Variants in SCLT1 observed in about 807,000 individuals in gnomAD.
SCLT1 encodes sodium channel and clathrin linker 1, also known as sodium channel-associated protein 1.
SCLT1 carries 78 observed loss-of-function variants against 112.8 expected under a neutral mutation model. The ratio of observed to expected loss-of-function variants is 0.69; its 90% CI spans 0.58 to 0.83. SCLT1 has a LOEUF of 0.83. Ranked by LOEUF, SCLT1 falls within the 40% of genes least tolerant of loss-of-function variation. The probability of loss-of-function intolerance (pLI) is 0.00; values close to 1 mark genes in which losing one functional copy is unlikely to be tolerated. For missense variants in SCLT1, 747 were observed against 770.4 expected (o/e 0.97, Z 0.36); for synonymous variants, 257 against 254.7 (o/e 1.01, Z -0.09).
At chr4:129,029,201 C>T (rs1379256117) in intron 5 of SCLT1, among the ~76,000 whole-genome samples, 1 of 152,100 alleles carries the variant, frequency 6.6e-6, no homozygotes, top group East Asian at 1.9e-4. Context: ...GATTATAAAT[C>T]ATGCTGGTAT....
intron 4 of SCLT1, among the ~76,000 whole-genome samples, chr4:128,875,500 G>C (rs1732491668): frequency 6.6e-6 from 1 of 152,146 alleles, no homozygotes; most frequent in South Asian, 2.1e-4. Context: ...TTGAAACAAC[G>C]TAGACTTCAG....
intron 2 of SCLT1, among the ~76,000 whole-genome samples, chr4:129,066,525 G>A (rs1021652952): frequency 6.6e-6 from 1 of 151,792 alleles, no homozygotes; most frequent in African/African-American, 2.4e-5. Flanking sequence ...TTAAGATAAC[G>A]CCAATTTTAG....
chr4:128,876,361 A>G (rs1284700274), intron 4 of SCLT1: 2 of 152,178 alleles, frequency 1.3e-5, no homozygotes, highest in Non-Finnish European at 2.9e-5. Context: ...AAGTTGAATA[A>G]CCACAATAGT....
intron 4 of SCLT1, among the ~76,000 whole-genome samples, chr4:129,040,574 G>A (rs1393111277): frequency 2.0e-5 from 3 of 152,128 alleles, no homozygotes; most frequent in Non-Finnish European, 2.9e-5. Context: ...ACTAAAGATG[G>A]ATTGTAACGC....
At chr4:128,949,582 A>G (rs1738518408) in intron 14 of SCLT1, among the ~76,000 whole-genome samples, 3 of 151,012 alleles carry the variant, frequency 2.0e-5, no homozygotes, top group Non-Finnish European at 4.4e-5. Flanking sequence ...TCCTGTGTCC[A>G]TGTGTTCTCA....
chr4:128,886,557 C>A (rs181074132), intron 20 of SCLT1, among the ~76,000 whole-genome samples: 3 of 152,226 alleles, frequency 2.0e-5, no homozygotes, highest in Admixed American at 2.0e-4. Context: ...AAAATATTAA[C>A]TCCAGGGAAG....
At chr4:129,036,671 A>T (rs1747207019) in intron 5 of SCLT1, 1 of 151,996 alleles carries the variant, frequency 6.6e-6, no homozygotes, top group African/African-American at 2.4e-5. Context: ...TGGAAATTAG[A>T]AGGAAAGAAA....
At chr4:128,882,163 T>C (rs1043411012), downstream of SCLT1, among the ~76,000 whole-genome samples, 18 of 152,202 alleles carry the variant, frequency 1.2e-4, no homozygotes, top group African/African-American at 4.3e-4. Context: ...CTCATACTTT[T>C]GTCAGACATA....
intron 18 of SCLT1, among the ~76,000 whole-genome samples, chr4:128,906,772 T>C (rs1401319903): frequency 1.7e-4 from 2 of 12,064 alleles, no homozygotes; most frequent in Admixed American, 9.8e-4. Context: ...TGCTACATAC[T>C]ACTGTGCTAG....
intron 5 of SCLT1, among the ~76,000 whole-genome samples, chr4:129,007,396 AT>A (rs1744122090): frequency 6.6e-6 from 1 of 151,994 alleles, no homozygotes; most frequent in Non-Finnish European, 1.5e-5. Flanking sequence ...GTGCTATCAC[AT>A]TTTTGTATTC....
intron 9 of SCLT1, among the ~76,000 whole-genome samples, chr4:128,984,258 A>G (rs1253072219): frequency 1.3e-5 from 2 of 152,132 alleles, no homozygotes; most frequent in African/African-American, 2.4e-5. Context: ...TACTCATCAT[A>G]CTTTTTTCCC....
At chr4:129,062,985 C>T (rs1750128203) in intron 2 of SCLT1, among the ~76,000 whole-genome samples, 1 of 152,048 alleles carries the variant, frequency 6.6e-6, no homozygotes, top group African/African-American at 2.4e-5. Flanking sequence ...CTTTTTTTCT[C>T]TCTCCTCCTT....
chr4:128,971,450 A>G (rs1740682062), intron 9 of SCLT1: 1 of 152,094 alleles, frequency 6.6e-6, no homozygotes, highest in Non-Finnish European at 1.5e-5. Context: ...TATCTCAGGT[A>G]GTTATTAGTG....
At chr4:129,006,723 T>C (rs560634457) in intron 5 of SCLT1, among the ~76,000 whole-genome samples, 2 of 152,254 alleles carry the variant, frequency 1.3e-5, no homozygotes, top group South Asian at 2.1e-4. Flanking sequence ...ACTTGGGGAA[T>C]AGATGTCCAA....
intron 17 of SCLT1, among the ~76,000 whole-genome samples, chr4:128,942,559 C>T (rs1469101337): frequency 6.6e-6 from 1 of 152,074 alleles, no homozygotes; most frequent in Non-Finnish European, 1.5e-5. Flanking sequence ...CTCTTGCCTT[C>T]TTCCTGCCAT....
chr4:129,083,751 C>T (rs1415694841), intron 1 of SCLT1, among the ~76,000 whole-genome samples: 1 of 151,880 alleles, frequency 6.6e-6, no homozygotes, highest in Non-Finnish European at 1.5e-5. Flanking sequence ...AAATGTGATA[C>T]CTCCAAACTT....
chr4:128,939,703 G>A (rs1304492337), intron 17 of SCLT1, among the ~76,000 whole-genome samples: 1 of 152,160 alleles, frequency 6.6e-6, no homozygotes, highest in Non-Finnish European at 1.5e-5. Flanking sequence ...AGGAGAAAGC[G>A]AGGGCTGAAA....
chr4:128,924,459 G>T (rs564042139), intron 18 of SCLT1, among the ~76,000 whole-genome samples: 2 of 151,644 alleles, frequency 1.3e-5, no homozygotes, highest in Non-Finnish European at 2.9e-5. Flanking sequence ...TAGTAGAGAC[G>T]GGGGTTTCAT....
chr4:129,046,349 A>G (rs1435499607), intron 2 of SCLT1, among the ~76,000 whole-genome samples: 1 of 152,074 alleles, frequency 6.6e-6, no homozygotes, highest in African/African-American at 2.4e-5. Flanking sequence ...CCCAGGCTCC[A>G]TGTGGGACCC....
Sources: allele counts gnomAD v4.1 joint callset (sites outside exome capture counted in the v4.1 genomes callset), GRCh38; gene constraint gnomAD v4.1.1; transcripts MANE v1.5; gene names NCBI Gene and HGNC (gene_info 2026-07-23, HGNC 2026-07-21).